UVSSA: variants seen among roughly 807,000 people sequenced by gnomAD.
UVSSA encodes the protein UV stimulated scaffold protein A.
A neutral mutation model predicts 73.9 loss-of-function variants in UVSSA; 72 were observed. The ratio of observed to expected loss-of-function variants is 0.97; its 90% CI spans 0.81 to 1.19. UVSSA has a LOEUF of 1.19. UVSSA is among the 50% of genes most tolerant of loss of function. UVSSA has a pLI of 0.00. For missense variants in UVSSA, 1,150 were observed against 965.0 expected, an observed-to-expected ratio of 1.19 and a Z score of -2.54; for synonymous variants, 454 against 391.3, an observed-to-expected ratio of 1.16 and a Z score of -1.89.
intron 8 of UVSSA, among the ~76,000 whole-genome samples, chr4:1,370,184 T>C (rs1044723876): frequency 6.6e-6 from 1 of 152,208 alleles, no homozygotes; most frequent in Non-Finnish European, 1.5e-5. Context: ...CTCAGATTGA[T>C]CTTTTGGCTG....
chr4:1,394,799 G>A, exon 14 of UVSSA: 2 of 1,516,504 alleles, frequency 1.3e-6, no homozygotes, highest in Non-Finnish European at 8.9e-7. Flanking sequence ...AGTGCCACCT[G>A]CTCACACACG....
rs1044881611 is a variant in UVSSA, at chr4:1,394,547, C to A, written c.*8586C>A. On this transcript the variant is annotated 3_prime_UTR_variant, in exon 14 of 14. Transcript: ENST00000511216. Reference sequence around the variant, plus strand: ...CCTCGCTTTGTGCCAATGTGGAGTGCCCGCCTGCTCACACGTGCCCATGTG... The same window carrying A: ...CCTCGCTTTGTGCCAATGTGGAGTGACCGCCTGCTCACACGTGCCCATGTG... The A allele has an allele frequency of 2.0e-6, 3 of 1,525,778 alleles. No homozygotes were observed. The Admixed American group carries it at 5.6e-5, about 28-fold the overall frequency. 94.5% of individuals were successfully genotyped at this position (1,525,778 alleles called of 1,614,324 possible). A position where few individuals can be genotyped will look rare whatever the true frequency, so the allele number is the denominator to read the frequency against.
At chr4:1,362,892 A>G (rs1466718352) in intron 7 of UVSSA, among the ~76,000 whole-genome samples, 1 of 152,122 alleles carries the variant, frequency 6.6e-6, no homozygotes, top group Non-Finnish European at 1.5e-5. Context: ...GAACAGCCAC[A>G]CAGCTTCCTA....
Position 1,373,265 on chromosome 4 carries a change from C to T in UVSSA, c.1289-2099C>T, listed in dbSNP as rs936945017. ...GGCTGAGGATCAAGGAGAGCCAGTC[C>T]GAGTCTCAAAACTGAAGAACTTGGA... is the stretch of plus-strand genomic sequence containing the variant. On this transcript the variant is annotated intron_variant, in intron 8 of 13. Transcript: ENST00000389851. Among the ~76,000 whole-genome samples the T allele has an allele frequency of 5.9e-5, 9 of 152,274 alleles. No homozygotes were observed. In the East Asian group the frequency reaches 7.7e-4, roughly 13 times the overall value.
Position 1,364,831 on chromosome 4 carries a change from C to A in UVSSA, c.1177-1489C>A, listed in dbSNP as rs147104780. Among the ~76,000 whole-genome samples the A allele has an allele frequency of 4.5e-3, 683 of 152,292 alleles. 2 individuals are homozygous for A. The highest frequency in any genetic ancestry group is 7.7e-3 in the Non-Finnish European group (524 of 68,014). ...GGGGCATGACCTTCAGCTGCCCTAG[C>A]AGCCCTGCCAGCCCCTCTCCTGGCC... On this transcript the variant is annotated intron_variant, in intron 7 of 13. Coordinates refer to ENST00000389851, the MANE Select transcript of UVSSA (RefSeq NM_020894.4).
chr4:1,347,994 T>C, intron 1 of UVSSA, 96 bp from the exon 2 acceptor site: 1 of 1,056,334 alleles, frequency 9.5e-7, no homozygotes, highest in Non-Finnish European at 1.4e-6. Context: ...CTCCCGGAGC[T>C]TTCGGTTTAT....
chr4:1,356,543 G>A (rs922200218), intron 7 of UVSSA: 1 of 152,268 alleles, frequency 6.6e-6, no homozygotes, highest in Admixed American at 6.5e-5. Flanking sequence ...TCTGTGAGTT[G>A]TGACGAAAAT....
At chr4:1,373,800 G>T (rs779825328) in intron 8 of UVSSA, among the ~76,000 whole-genome samples, 1 of 152,130 alleles carries the variant, frequency 6.6e-6, no homozygotes, top group African/African-American at 2.4e-5. Context: ...TTCCTCCCTC[G>T]CTGTCTGCGG....
chr4:1,352,419 C>T (rs748094885), intron 4 of UVSSA, among the ~76,000 whole-genome samples: 9 of 152,226 alleles, frequency 5.9e-5, no homozygotes, highest in Non-Finnish European at 2.9e-5. Context: ...GGGCAGCTCA[C>T]AAGGCAGGCA....
chr4:1,342,283 A>G (rs540325754), upstream of UVSSA, among the ~76,000 whole-genome samples: 1 of 152,310 alleles, frequency 6.6e-6, no homozygotes, highest in South Asian at 2.1e-4. Context: ...CAGGTTAGTC[A>G]TTCAGGTGGG....
chr4:1,353,196 G>C lies in UVSSA; in HGVS notation c.717G>C (p.Arg239=), dbSNP rs1715070598. The C allele has an allele frequency of 1.2e-6, 2 of 1,612,678 alleles. No individual in the cohort carries two copies. The highest frequency in any genetic ancestry group is 3.3e-5 in the Admixed American group (2 of 59,990). ...GCGCGGGCCAGGTGGGCCCCTGCCGGTCTGGCACCCCTGACCCCCGGGACG... is the reference window on the plus strand; with the variant it reads ...GCGCGGGCCAGGTGGGCCCCTGCCGCTCTGGCACCCCTGACCCCCGGGACG... ...SSCAGQVGPC[R]SGTPDPRDGE... Residue 239 remains arginine (R), a synonymous_variant, in exon 5 of 14, where the codon CGG becomes CGC. Coordinates refer to ENST00000389851, the MANE Select transcript of UVSSA (RefSeq NM_020894.4).
intron 13 of UVSSA, 99 bp downstream of exon 13, chr4:1,384,039 G>C: frequency 7.3e-7 from 1 of 1,370,172 alleles, no homozygotes; most frequent in Non-Finnish European, 9.7e-7. Flanking sequence ...AGGGACTTGG[G>C]GCCTCCAGGG....
At chr4:1,345,688 T>C (rs1205154901), upstream of UVSSA, among the ~76,000 whole-genome samples, 4 of 134,538 alleles carry the variant, frequency 3.0e-5, no homozygotes, top group African/African-American at 1.1e-4. Flanking sequence ...TGCAGGGCCA[T>C]CAGCGGATAC....
chr4:1,394,837 C>CGCGTGCCGATGCGGA (rs1720491386), exon 14 of UVSSA: 1 of 1,538,360 alleles, frequency 6.5e-7, no homozygotes, highest in Non-Finnish European at 8.8e-7. Context: ...CGCCTGCTCA[C>CGCGTGCCGATGCGGA]GTGCCCATGT....
chr4:1,394,704 C>T lies in UVSSA; in HGVS notation c.*8743C>T, dbSNP rs775289573. On this transcript the variant is annotated 3_prime_UTR_variant, in exon 14 of 14. Coordinates refer to the UVSSA transcript ENST00000511216. ...CACACGTGCCCATGTGGAGTGCCCG[C>T]CTGCTCACACACGTGTCCATGTGGA... 1.2e-5 allele frequency: 20 copies of T among 1,604,532 alleles called. No individual in the cohort carries two copies. The highest frequency in any genetic ancestry group is 1.7e-5 in the Non-Finnish European group (20 of 1,176,164).
chr4:1,389,857 A>G (rs1201328877), downstream of UVSSA: 2 of 152,010 alleles, frequency 1.3e-5, no homozygotes, highest in Non-Finnish European at 2.9e-5. Context: ...TAGTAATTTG[A>G]TTCTTCTCTC....
At chr4:1,391,988 C>T (rs1038826246), downstream of UVSSA, 1 of 152,158 alleles carries the variant, frequency 6.6e-6, no homozygotes, top group Non-Finnish European at 1.5e-5. Context: ...ACTATATTGT[C>T]TTTTTTGTCT....
At chr4:1,343,233 TCTCA>T (rs775174446), upstream of UVSSA, among the ~76,000 whole-genome samples, 2 of 152,160 alleles carry the variant, frequency 1.3e-5, no homozygotes, top group Admixed American at 6.5e-5. Flanking sequence ...ACGGCCCCCT[TCTCA>T]CTGTGTACCT....
At chr4:1,380,720 C>A (rs1317695313) in intron 11 of UVSSA, 160 bp from the exon 12 acceptor site, 3 of 1,547,866 alleles carry the variant, frequency 1.9e-6, no homozygotes, top group Admixed American at 2.0e-5. Context: ...TCTCAGGACG[C>A]CCTCCTCTGA....
Sources: allele counts gnomAD v4.1 joint callset (sites outside exome capture counted in the v4.1 genomes callset), GRCh38; gene constraint gnomAD v4.1.1; transcripts MANE v1.5; gene names NCBI Gene and HGNC (gene_info 2026-07-23, HGNC 2026-07-21).